Variants in PAQR5 observed in about 807,000 individuals in gnomAD.
PAQR5 encodes progestin and adipoQ receptor family member 5, also known as membrane progestin receptor gamma.
In PAQR5, 20 loss-of-function variants were observed where a neutral mutation model predicts 34.5. The observed-to-expected ratio is 0.58, with a 90% CI of 0.41 to 0.84. PAQR5 has a LOEUF of 0.84. Ranked by LOEUF, PAQR5 falls within the 40% of genes least tolerant of loss-of-function variation. The pLI, the probability that PAQR5 is intolerant of heterozygous loss-of-function variation, is 0.00. For missense variants in PAQR5, 378 were observed against 412.7 expected (o/e 0.92, Z 0.73); for synonymous variants, 131 against 155.6 (o/e 0.84, Z 1.18).
rs1048579207 is a variant in PAQR5, at chr15:69,339,522, G to C, written c.-116+2021G>C. ...GAGTCTTGTTCTGTCACCCAGGCTG[G>C]AGTACAGTGGTGCAATCTCAGCTCA... On this transcript the variant is annotated intron_variant, in intron 2 of 8. Coordinates refer to ENST00000395407, the MANE Select transcript of PAQR5 (RefSeq NM_017705.4). 3.9e-5 allele frequency among the ~76,000 whole-genome samples: 6 copies of C among 152,136 alleles called. No individual in the cohort carries two copies. The East Asian group carries it at 9.6e-4, about 24-fold the overall frequency.
rs148843668 is a variant in PAQR5 at position 69,350,146 on chromosome 15, G to A, written c.-115-9820G>A. ...ACTGGATCCCAGGGTAGCAGGGGCC[G>A]CGTGGCGGCACTCAGCTCCAACGGC... On this transcript the variant is annotated intron_variant, in intron 2 of 8. Transcript: ENST00000395407. Among the ~76,000 whole-genome samples, 258 of 152,376 alleles carry A rather than the reference G, an allele frequency of 1.7e-3. 2 individuals are homozygous for A. The highest frequency in any genetic ancestry group is 5.8e-3 in the African/African-American group (240 of 41,588).
At chr15:69,402,391 C>T (rs991218924) in intron 8 of PAQR5, among the ~76,000 whole-genome samples, 35 of 151,648 alleles carry the variant, frequency 2.3e-4, no homozygotes, top group Non-Finnish European at 3.1e-4. Flanking sequence ...GATCTTGGCT[C>T]GCTGCAAGCT....
chr15:69,370,693 G>C (rs1452107277), intron 3 of PAQR5, among the ~76,000 whole-genome samples: 1 of 151,972 alleles, frequency 6.6e-6, no homozygotes, highest in Admixed American at 6.6e-5. Context: ...CTAATTTTTT[G>C]TATTTTTAGT....
chr15:69,334,613 GCTTA>G (rs1412295283), intron 1 of PAQR5, among the ~76,000 whole-genome samples: 3 of 152,082 alleles, frequency 2.0e-5, no homozygotes, highest in Non-Finnish European at 4.4e-5. Context: ...AATTAAAATC[GCTTA>G]CTTACCAGGT....
chr15:69,305,890 G>T (rs144524899), intron 1 of PAQR5, among the ~76,000 whole-genome samples: 1 of 152,138 alleles, frequency 6.6e-6, no homozygotes, highest in Non-Finnish European at 1.5e-5. Flanking sequence ...CAGGGGGAGG[G>T]GTTTGTTGAT....
At chr15:69,303,226 T>G (rs1201439029) in intron 1 of PAQR5, among the ~76,000 whole-genome samples, 2 of 152,126 alleles carry the variant, frequency 1.3e-5, no homozygotes, top group African/African-American at 2.4e-5. Flanking sequence ...GCTGGAGCTT[T>G]TCCTAATTAG....
At chr15:69,394,929 G>C (rs2056373936) in intron 6 of PAQR5, among the ~76,000 whole-genome samples, 1 of 152,148 alleles carries the variant, frequency 6.6e-6, no homozygotes, top group East Asian at 1.9e-4. Context: ...ACCCGGCTTT[G>C]CAGCTGGAGA....
chr15:69,317,906 C>A (rs146937941), intron 1 of PAQR5, among the ~76,000 whole-genome samples: 1 of 152,156 alleles, frequency 6.6e-6, no homozygotes, highest in African/African-American at 2.4e-5. Context: ...CTGGGGACAT[C>A]GTTCCCTTCT....
At chr15:69,329,463 C>CTTTTTTTTTT (rs1038357937) in intron 1 of PAQR5, among the ~76,000 whole-genome samples, 67 of 73,764 alleles carry the variant, frequency 9.1e-4, no homozygotes, top group African/African-American at 3.0e-3. Flanking sequence ...TTTTTTCTTT[C>CTTTTTTTTTT]TTTTTTTTTT....
chr15:69,334,823 CCA>C (rs2054473801), intron 1 of PAQR5, among the ~76,000 whole-genome samples: 2 of 152,022 alleles, frequency 1.3e-5, no homozygotes, highest in African/African-American at 4.8e-5. Context: ...TTGTCTTAAC[CCA>C]AAAGAGTAAT....
chr15:69,315,655 A>C (rs554219464), intron 1 of PAQR5, among the ~76,000 whole-genome samples: 1 of 152,230 alleles, frequency 6.6e-6, no homozygotes, highest in African/African-American at 2.4e-5. Context: ...TCCACCTCAC[A>C]TACCCAGGGA....
At chr15:69,396,890 A>G (rs948267350) in intron 6 of PAQR5, 2 of 294,160 alleles carry the variant, frequency 6.8e-6, no homozygotes, top group Non-Finnish European at 1.3e-5. Context: ...GAGGGTGGCA[A>G]TGAAGAAGAG....
At chr15:69,364,554 A>ACATTATATATGTAATATATATACAT (rs1567022336) in intron 3 of PAQR5, among the ~76,000 whole-genome samples, 28 of 148,128 alleles carry the variant, frequency 1.9e-4, no homozygotes, top group Admixed American at 4.8e-4. Context: ...TTATATATAT[A>ACATTATATATGTAATATATATACAT]TAACGAGTTG....
intron 1 of PAQR5, among the ~76,000 whole-genome samples, chr15:69,303,295 G>T (rs1334547393): frequency 6.6e-6 from 1 of 151,642 alleles, no homozygotes; most frequent in Non-Finnish European, 1.5e-5. Flanking sequence ...TTGGTTGCTA[G>T]GGGTGCTTAA....
intron 2 of PAQR5, among the ~76,000 whole-genome samples, chr15:69,354,444 A>T (rs1465082946): frequency 6.6e-6 from 1 of 152,198 alleles, no homozygotes; most frequent in Non-Finnish European, 1.5e-5. Context: ...ATGTTATATC[A>T]TACTATTTAA....
intron 3 of PAQR5, among the ~76,000 whole-genome samples, chr15:69,377,233 T>A (rs1178484888): frequency 6.6e-6 from 1 of 152,230 alleles, no homozygotes. Context: ...GGTAGAAGGA[T>A]AGACCCAGTG....
In PAQR5 at chr15:69,344,071, C is replaced by T. The variant is rs147292053; in HGVS notation, c.-116+6570C>T. Among the ~76,000 whole-genome samples the T allele has an allele frequency of 1.7e-3, 255 of 152,322 alleles. 2 individuals are homozygous for T. Among genetic ancestry groups the T allele is most frequent in the African/African-American group, 5.7e-3 (239 of 41,570 alleles). On this transcript the variant is annotated intron_variant, in intron 2 of 8. Coordinates refer to ENST00000395407, the MANE Select transcript of PAQR5 (RefSeq NM_017705.4). ...CTGGTTTTGAACTCCCGGACTCAAG[C>T]AATCCACCTGCCTTGGCCTCCCAAA...
chr15:69,315,495 G>A (rs2053925862), intron 1 of PAQR5, among the ~76,000 whole-genome samples: 1 of 152,042 alleles, frequency 6.6e-6, no homozygotes, highest in Non-Finnish European at 1.5e-5. Flanking sequence ...AAGTCACAGG[G>A]GCTGGCCCCT....
intron 1 of PAQR5, among the ~76,000 whole-genome samples, chr15:69,320,737 T>G (rs1163513689): frequency 6.6e-6 from 1 of 152,142 alleles, no homozygotes; most frequent in Admixed American, 6.6e-5. Flanking sequence ...TTAAAACCTA[T>G]CCACCTCAAA....
Sources: gnomAD v4.1 joint callset for allele counts (sites outside exome capture counted in the v4.1 genomes callset) on GRCh38, gnomAD v4.1.1 for gene constraint, MANE v1.5 for transcripts, NCBI Gene and HGNC (gene_info 2026-07-23, HGNC 2026-07-21) for gene names.